Variants in CDKAL1 observed in about 807,000 individuals in gnomAD.
CDKAL1 encodes CDKAL1 threonylcarbamoyladenosine tRNA methylthiotransferase.
In CDKAL1, 32 loss-of-function variants were observed where a neutral mutation model predicts 68.2. The ratio of observed to expected loss-of-function variants is 0.47; its 90% confidence interval spans 0.35 to 0.63. CDKAL1 has a LOEUF of 0.63. Among genes scored for constraint, CDKAL1 ranks in the 30% least tolerant of loss-of-function variants. The pLI, the probability that CDKAL1 is intolerant of heterozygous loss-of-function variation, is 0.00. For synonymous variants in CDKAL1, 234 were observed against 244.3 expected, an observed-to-expected ratio of 0.96 and a Z score of 0.39; for missense variants, 606 against 696.7, an observed-to-expected ratio of 0.87 and a Z score of 1.47.
At position 20,896,098 on chromosome 6, in the gene CDKAL1, C is replaced by CTTT. The variant is rs1291895133; in HGVS notation, c.742+49922_742+49924dup. 7.1e-4 allele frequency among the ~76,000 whole-genome samples: 74 copies of CTTT among 104,116 alleles called. 2 individuals carry two copies. Among genetic ancestry groups the CTTT allele is most frequent in the East Asian group, 1.0e-3 (3 of 2,896 alleles). The allele number at this position is 104,116 out of a possible 152,430, so 68.3% of individuals were successfully genotyped here. A position where few individuals can be genotyped will look rare whatever the true frequency, so the allele number is the denominator to read the frequency against. ...TTTTTTCTTTTTTTTCTTTTCTTTT[C>CTTT]TTTTCTTTTTTTTTTTTTTTTGAGA... is the stretch of plus-strand genomic sequence containing the variant. On this transcript the variant is annotated intron_variant, in intron 9 of 15. Coordinates refer to ENST00000274695, the MANE Select transcript of CDKAL1 (RefSeq NM_017774.3).
intron 13 of CDKAL1, among the ~76,000 whole-genome samples, chr6:21,158,120 T>C (rs1776734744): frequency 6.6e-6 from 1 of 152,240 alleles, no homozygotes; most frequent in Non-Finnish European, 1.5e-5. Context: ...TTATAACATA[T>C]ATGAATATGG....
chr6:21,085,823 A>G (rs769801544), intron 12 of CDKAL1, among the ~76,000 whole-genome samples: 3 of 152,340 alleles, frequency 2.0e-5, no homozygotes, highest in East Asian at 3.9e-4. Context: ...GAGTGACGCA[A>G]TCTAAGCAGT....
chr6:20,586,620 G>A (rs188816761), intron 4 of CDKAL1, among the ~76,000 whole-genome samples: 2 of 152,014 alleles, frequency 1.3e-5, no homozygotes, highest in African/African-American at 2.4e-5. Context: ...CCTGGGTGAC[G>A]AGTGAAACTC....
intron 13 of CDKAL1, among the ~76,000 whole-genome samples, chr6:21,168,732 G>A (rs959033457): frequency 1.3e-5 from 2 of 152,094 alleles, no homozygotes; most frequent in South Asian, 2.1e-4. Flanking sequence ...TAAATAGCAG[G>A]CTTTTACCAG....
At chr6:21,015,951 A>G (rs2150849998) in intron 11 of CDKAL1, among the ~76,000 whole-genome samples, 1 of 151,086 alleles carries the variant, frequency 6.6e-6, no homozygotes, top group African/African-American at 2.4e-5. Flanking sequence ...CTGACTCAAA[A>G]AAAAAAAAAA....
At chr6:21,125,245 TTTGGTAGTTCCTCC>T (rs1433469393) in intron 13 of CDKAL1, among the ~76,000 whole-genome samples, 1 of 152,136 alleles carries the variant, frequency 6.6e-6, no homozygotes, top group Non-Finnish European at 1.5e-5. Flanking sequence ...TTTATAAGTG[TTTGGTAGTTCCTCC>T]TGCATTCATT....
At position 21,232,004 on chromosome 6, in the gene CDKAL1, T is replaced by TTTG. The variant is rs1173599187; in HGVS notation, c.*967_*968insGTT. ...TTGATCCATTGGGGTTTTTTTTTTG[T>TTTG]TTTTGTTTTTTTTTTTTTTTGAGTC... On this transcript the variant is annotated 3_prime_UTR_variant, in exon 16 of 16. Coordinates refer to ENST00000274695, the MANE Select transcript of CDKAL1 (RefSeq NM_017774.3). The TTTG allele has an allele frequency of 6.0e-5, 2 of 33,360 alleles. No individual in the cohort carries two copies. Among genetic ancestry groups the TTTG allele is most frequent in the East Asian group, 1.7e-3 (2 of 1,196 alleles). The allele number at this position is 33,360 out of a possible 1,614,324, so 2.1% of individuals were successfully genotyped here.
chr6:20,581,985 G>A (rs1765159586), intron 4 of CDKAL1, among the ~76,000 whole-genome samples: 1 of 152,136 alleles, frequency 6.6e-6, no homozygotes, highest in African/African-American at 2.4e-5. Flanking sequence ...ATATGTATAA[G>A]TTGTATAGAT....
intron 4 of CDKAL1, among the ~76,000 whole-genome samples, chr6:20,617,992 C>T (rs1462013601): frequency 6.6e-6 from 1 of 152,220 alleles, no homozygotes; most frequent in Non-Finnish European, 1.5e-5. Flanking sequence ...GGAATCGCCA[C>T]ACTGTCTTCC....
intron 9 of CDKAL1, among the ~76,000 whole-genome samples, chr6:20,953,461 C>T (rs561994706): frequency 1.5e-4 from 23 of 152,226 alleles, no homozygotes; most frequent in African/African-American, 3.6e-4. Flanking sequence ...TGCTCAAATG[C>T]CAGTAACTGG....
chr6:20,748,490 G>A (rs1182613195), intron 6 of CDKAL1, among the ~76,000 whole-genome samples: 1 of 141,946 alleles, frequency 7.0e-6, no homozygotes, highest in South Asian at 2.4e-4. Flanking sequence ...GCTGTGGCGA[G>A]TTGTTGTGAT....
Position 20,731,865 on chromosome 6 carries a change from T to C in CDKAL1, c.372-7654T>C, listed in dbSNP as rs141791735. Among the ~76,000 whole-genome samples the C allele has an allele frequency of 4.5e-4, 68 of 152,214 alleles. No homozygotes were observed. In the East Asian group the frequency reaches 0.012, roughly 26 times the overall value. On this transcript the variant is annotated intron_variant, in intron 5 of 15. Transcript: ENST00000274695. ...AGTAACCAGTCTCATCCATTCAGTT[T>C]GTCATGGAGCCCCATCAGACCATAG...
chr6:21,045,497 T>C (rs1055465687), intron 11 of CDKAL1, among the ~76,000 whole-genome samples: 3 of 152,180 alleles, frequency 2.0e-5, no homozygotes, highest in Admixed American at 1.3e-4. Context: ...TGGGCACCTG[T>C]CTCCCTTTCC....
chr6:20,634,946 C>T (rs1409383836), intron 4 of CDKAL1, among the ~76,000 whole-genome samples: 1 of 136,752 alleles, frequency 7.3e-6, no homozygotes, highest in African/African-American at 2.8e-5. Context: ...CATTGTACTC[C>T]AGTCTGGGCA....
intron 13 of CDKAL1, among the ~76,000 whole-genome samples, chr6:21,163,592 A>C (rs1480313277): frequency 6.6e-6 from 1 of 152,214 alleles, no homozygotes; most frequent in African/African-American, 2.4e-5. Flanking sequence ...GGCGTTTGTC[A>C]GATGAAAATC....
intron 13 of CDKAL1, among the ~76,000 whole-genome samples, chr6:21,132,791 C>T (rs1775392875): frequency 6.6e-6 from 1 of 152,122 alleles, no homozygotes; most frequent in African/African-American, 2.4e-5. Flanking sequence ...GCACATCTGT[C>T]TACCCCCCAA....
chr6:21,025,516 CT>C (rs1348227358), intron 11 of CDKAL1, among the ~76,000 whole-genome samples: 6 of 152,088 alleles, frequency 3.9e-5, no homozygotes, highest in African/African-American at 1.4e-4. Context: ...TCCCACCTGA[CT>C]TCTCTTTCTG....
intron 13 of CDKAL1, among the ~76,000 whole-genome samples, chr6:21,175,418 G>C (rs1382969854): frequency 6.6e-6 from 1 of 152,030 alleles, no homozygotes. Context: ...ACCCCTCTTT[G>C]TTGAAACAAC....
chr6:21,080,076 CT>C (rs751605718), intron 12 of CDKAL1, among the ~76,000 whole-genome samples: 3,045 of 128,114 alleles, frequency 0.024, 68 homozygotes, highest in African/African-American at 0.073. Flanking sequence ...TTGGATCATT[CT>C]TTTTTTTTTT....
Sources: allele counts gnomAD v4.1 joint callset (sites outside exome capture counted in the v4.1 genomes callset), GRCh38; gene constraint gnomAD v4.1.1; transcripts MANE v1.5; gene names NCBI Gene and HGNC (gene_info 2026-07-23, HGNC 2026-07-21).